The following LINGO2 variants were observed in gnomAD, a reference collection of about 807,000 sequenced individuals.
The protein encoded by LINGO2 is leucine rich repeat and Ig domain containing 2, also known as leucine-rich repeat and immunoglobulin-like domain-containing nogo receptor-interacting protein 2.
In LINGO2, 14 loss-of-function variants were observed where a neutral mutation model predicts 30.6. The ratio of observed to expected loss-of-function variants is 0.46; its 90% CI spans 0.30 to 0.72. LINGO2 has a LOEUF of 0.72. LINGO2 is among the 30% of genes least tolerant of loss of function. The pLI, the probability that LINGO2 is intolerant of heterozygous loss-of-function variation, is 0.07. For missense variants in LINGO2, 729 were observed against 751.7 expected, an observed-to-expected ratio of 0.97 and a Z score of 0.35; for synonymous variants, 317 against 288.5, an observed-to-expected ratio of 1.10 and a Z score of -1.00.
At chr9:27,999,217 C>T (rs932544244) in intron 5 of LINGO2, among the ~76,000 whole-genome samples, 1 of 152,018 alleles carries the variant, frequency 6.6e-6, no homozygotes, top group African/African-American at 2.4e-5. Flanking sequence ...ACAACATACT[C>T]TCTGAAAAGC....
the LINGO2 span, among the ~76,000 whole-genome samples, chr9:29,163,686 G>A: frequency 2.9e-4 from 44 of 152,104 alleles, no homozygotes; most frequent in Non-Finnish European, 5.3e-4. Flanking sequence ...AATCCCCATT[G>A]AGAAGACAGC....
the LINGO2 span, among the ~76,000 whole-genome samples, chr9:28,878,123 C>A: frequency 6.6e-6 from 1 of 151,380 alleles, no homozygotes; most frequent in African/African-American, 2.4e-5. Flanking sequence ...AGAGAAGAAT[C>A]AAACAGATGC....
chr9:29,030,728 T>G, the LINGO2 span, among the ~76,000 whole-genome samples: 1 of 152,218 alleles, frequency 6.6e-6, no homozygotes. Flanking sequence ...GGTTTCCCAC[T>G]GTAAAGATTT....
the LINGO2 span, among the ~76,000 whole-genome samples, chr9:28,996,226 A>G: frequency 6.6e-6 from 1 of 152,116 alleles, no homozygotes; most frequent in Admixed American, 6.6e-5. Flanking sequence ...AAGTCACTGA[A>G]GTTTCCAGTA....
the LINGO2 span, among the ~76,000 whole-genome samples, chr9:29,164,428 T>C: frequency 1.8e-3 from 272 of 152,254 alleles, 1 homozygote; most frequent in African/African-American, 6.2e-3. Context: ...TAAATATGAA[T>C]TGGTGTTTGT....
the LINGO2 span, among the ~76,000 whole-genome samples, chr9:29,163,660 G>T: frequency 1.3e-5 from 2 of 152,092 alleles, no homozygotes; most frequent in Admixed American, 6.6e-5. Context: ...AAGGTTCTAA[G>T]CCATAAGACT....
chr9:29,142,666 T>A, the LINGO2 span, among the ~76,000 whole-genome samples: 1 of 151,814 alleles, frequency 6.6e-6, no homozygotes, highest in Non-Finnish European at 1.5e-5. Flanking sequence ...AGGCCATATA[T>A]GAAAATCCCA....
the LINGO2 span, among the ~76,000 whole-genome samples, chr9:28,991,061 T>C: frequency 1.7e-4 from 26 of 152,286 alleles, no homozygotes; most frequent in African/African-American, 5.3e-4. Context: ...ACGATCAAAC[T>C]ACTCCGAGCT....
At chr9:29,183,785 A>G in the LINGO2 span, among the ~76,000 whole-genome samples, 1 of 149,104 alleles carries the variant, frequency 6.7e-6, no homozygotes, top group Admixed American at 6.8e-5. Context: ...GAGATGCTAC[A>G]CAAAGATGTA....
At chr9:28,384,079 TGATA>T (rs1195100620) in intron 2 of LINGO2, among the ~76,000 whole-genome samples, 1 of 151,902 alleles carries the variant, frequency 6.6e-6, no homozygotes, top group Non-Finnish European at 1.5e-5. Flanking sequence ...ATTATATTAG[TGATA>T]AATATTACTA....
At chr9:28,162,894 A>G (rs2133607593) in intron 4 of LINGO2, among the ~76,000 whole-genome samples, 1 of 152,228 alleles carries the variant, frequency 6.6e-6, no homozygotes, top group East Asian at 1.9e-4. Flanking sequence ...AAATTTCCAG[A>G]CAGAATGAAA....
intron 4 of LINGO2, among the ~76,000 whole-genome samples, chr9:28,241,832 A>G (rs1482410960): frequency 1.3e-5 from 2 of 152,132 alleles, no homozygotes; most frequent in African/African-American, 4.8e-5. Context: ...ATGGAAGTAA[A>G]TAGGGCATGA....
chr9:28,842,588 G>A, the LINGO2 span, among the ~76,000 whole-genome samples: 1 of 151,796 alleles, frequency 6.6e-6, no homozygotes, highest in East Asian at 1.9e-4. Context: ...TAAACTCATT[G>A]GTCATTCTAA....
downstream of LINGO2, among the ~76,000 whole-genome samples, chr9:27,945,260 T>C (rs924245887): frequency 1.3e-5 from 2 of 152,142 alleles, no homozygotes; most frequent in Non-Finnish European, 2.9e-5. Flanking sequence ...TAAAAATACA[T>C]GTGTTTGTAC....
intron 4 of LINGO2, among the ~76,000 whole-genome samples, chr9:28,209,255 A>G (rs1820511699): frequency 1.3e-5 from 2 of 152,042 alleles, no homozygotes; most frequent in Non-Finnish European, 2.9e-5. Flanking sequence ...TATATATTGA[A>G]TAACTGATAT....
chr9:28,925,873 G>A, the LINGO2 span, among the ~76,000 whole-genome samples: 3 of 152,206 alleles, frequency 2.0e-5, no homozygotes, highest in Non-Finnish European at 4.4e-5. Context: ...CAAGCAGTGA[G>A]TTTATGCCAC....
At chr9:28,811,788 T>C in the LINGO2 span, among the ~76,000 whole-genome samples, 929 of 152,290 alleles carry the variant, frequency 6.1e-3, 15 homozygotes, top group African/African-American at 0.021. Context: ...TAGATAGCAC[T>C]TGTCATTTCC....
chr9:29,108,870 G>A, the LINGO2 span, among the ~76,000 whole-genome samples: 1 of 152,130 alleles, frequency 6.6e-6, no homozygotes, highest in African/African-American at 2.4e-5. Context: ...ATGTGTGATT[G>A]CAAAGTCTGT....
intron 1 of LINGO2, among the ~76,000 whole-genome samples, chr9:28,608,272 G>A (rs1255279157): frequency 2.0e-5 from 3 of 151,342 alleles, no homozygotes; most frequent in Non-Finnish European, 4.4e-5. Flanking sequence ...ACACTGACAT[G>A]GTAAGGCTCT....
Sources: allele counts gnomAD v4.1 joint callset (sites outside exome capture counted in the v4.1 genomes callset), GRCh38; gene constraint gnomAD v4.1.1; transcripts MANE v1.5; gene names NCBI Gene and HGNC (gene_info 2026-07-23, HGNC 2026-07-21).